The following SYNE2 variants were observed in gnomAD, a reference collection of about 807,000 sequenced individuals.
SYNE2 encodes nesprin-2.
A neutral mutation model predicts 856.3 loss-of-function variants in SYNE2; 431 were observed. The ratio of observed to expected loss-of-function variants is 0.50; its 90% CI spans 0.47 to 0.55. The LOEUF is 0.55. Among genes scored for constraint, SYNE2 ranks in the 20% least tolerant of loss-of-function variants. The pLI, the probability that SYNE2 is intolerant of heterozygous loss-of-function variation, is 0.00. For synonymous variants in SYNE2, 2,923 were observed against 2,872.3 expected (o/e 1.02, Z -0.56); for missense variants, 8,129 against 8,023.2 (o/e 1.01, Z -0.50).
intron 26 of SYNE2, among the ~76,000 whole-genome samples, 179 bp downstream of exon 26, chr14:63,998,507 T>C (rs531005836): frequency 1.1e-3 from 167 of 152,334 alleles, no homozygotes; most frequent in Non-Finnish European, 1.7e-3. Flanking sequence ...AATATTTCTT[T>C]GTGTTATTTT....
At chr14:63,818,941 G>A (rs563926171) in intron 1 of SYNE2, among the ~76,000 whole-genome samples, 18 of 151,584 alleles carry the variant, frequency 1.2e-4, no homozygotes, top group East Asian at 3.9e-4. Context: ...TTCGTGATCC[G>A]CCAGCCTCAG....
At chr14:63,823,743 G>C (rs11158512) in intron 1 of SYNE2, among the ~76,000 whole-genome samples, 95,900 of 151,254 alleles carry the variant, frequency 0.63, 30,823 homozygotes, top group South Asian at 0.77. Flanking sequence ...TCAAGCAATC[G>C]TCCCACCTCA....
At chr14:63,959,400 C>T (rs1455612248) in intron 8 of SYNE2, among the ~76,000 whole-genome samples, 1 of 144,912 alleles carries the variant, frequency 6.9e-6, no homozygotes, top group Non-Finnish European at 1.5e-5. Flanking sequence ...TGGGTTCAAG[C>T]AATTCTCCTG....
intron 11 of SYNE2, among the ~76,000 whole-genome samples, chr14:63,970,644 CTTTTTTCT>C (rs1202024678): frequency 2.3e-4 from 30 of 127,802 alleles, no homozygotes; most frequent in Middle Eastern, 4.2e-3. Context: ...TTTTTCTTTT[CTTTTTTCT>C]TTTTTTTTTT....
intron 44 of SYNE2, among the ~76,000 whole-genome samples, chr14:64,030,422 C>T (rs1357194962): frequency 3.9e-5 from 6 of 152,264 alleles, no homozygotes; most frequent in South Asian, 4.1e-4. Flanking sequence ...ATTAGGATAA[C>T]GACTGATAAA....
At chr14:64,032,436 T>A (rs560477200) in intron 45 of SYNE2, among the ~76,000 whole-genome samples, 2 of 152,214 alleles carry the variant, frequency 1.3e-5, no homozygotes, top group South Asian at 4.1e-4. Flanking sequence ...ACAGTGCACA[T>A]CTGTTATCCC....
At chr14:64,091,821 G>C (rs1319715123) in intron 60 of SYNE2, among the ~76,000 whole-genome samples, 1 of 152,264 alleles carries the variant, frequency 6.6e-6, no homozygotes, top group South Asian at 2.1e-4. Context: ...CCTCCTGCAT[G>C]CTGCCTTTCC....
At chr14:64,028,133 G>A (rs2096996280) in intron 43 of SYNE2, among the ~76,000 whole-genome samples, 1 of 151,954 alleles carries the variant, frequency 6.6e-6, no homozygotes, top group Non-Finnish European at 1.5e-5. Flanking sequence ...TTGAACTCCT[G>A]GGCTCAAGTG....
intron 7 of SYNE2, 72 bp downstream of exon 7, chr14:63,950,078 A>C: frequency 6.8e-7 from 1 of 1,474,748 alleles, no homozygotes; most frequent in Admixed American, 1.7e-5. Flanking sequence ...CACCACCCAA[A>C]CACCTCCCTC....
At chr14:63,938,801 G>A (rs1386168212) in intron 2 of SYNE2, among the ~76,000 whole-genome samples, 3 of 152,164 alleles carry the variant, frequency 2.0e-5, no homozygotes, top group African/African-American at 7.2e-5. Context: ...GGCACACCAC[G>A]GGTTTCATCA....
chr14:63,968,139 G>A (rs2096420938), intron 11 of SYNE2, among the ~76,000 whole-genome samples: 1 of 152,086 alleles, frequency 6.6e-6, no homozygotes, highest in Non-Finnish European at 1.5e-5. Flanking sequence ...CTCCAGCCTG[G>A]GTGACAGAAT....
chr14:64,196,482 T>C (rs887676095), intron 99 of SYNE2, among the ~76,000 whole-genome samples: 1 of 152,182 alleles, frequency 6.6e-6, no homozygotes, highest in Non-Finnish European at 1.5e-5. Context: ...ACAAAGCAGA[T>C]AAACTAAATG....
chr14:63,966,693 G>A (rs2096397719), intron 10 of SYNE2, among the ~76,000 whole-genome samples: 1 of 151,772 alleles, frequency 6.6e-6, no homozygotes, highest in South Asian at 2.1e-4. Flanking sequence ...TGAGTAGCTG[G>A]GACTACAGGT....
intron 1 of SYNE2, among the ~76,000 whole-genome samples, chr14:63,768,679 G>A (rs528954367): frequency 9.2e-5 from 14 of 152,258 alleles, no homozygotes; most frequent in South Asian, 2.1e-4. Context: ...TAGCCTGTCC[G>A]TATTGTAGGA....
intron 32 of SYNE2, among the ~76,000 whole-genome samples, chr14:64,015,075 GTA>G (rs1464076604): frequency 6.4e-5 from 9 of 141,030 alleles, no homozygotes; most frequent in South Asian, 2.2e-4. Context: ...GTGTATATAT[GTA>G]TATATATATA....
At chr14:63,880,496 AAAG>A (rs749015125) in intron 1 of SYNE2, among the ~76,000 whole-genome samples, 52 of 151,562 alleles carry the variant, frequency 3.4e-4, no homozygotes, top group South Asian at 1.5e-3. Flanking sequence ...GTTAAGAAAA[AAAG>A]AATTCTATGT....
Position 63,978,839 on chromosome 14 carries a change from C to T in SYNE2, c.1407-13C>T. On this transcript the variant is annotated splice_polypyrimidine_tract_variant and intron_variant, in intron 13 of 115. Transcript: ENST00000555002. ...ATATTAAGTTAAATTCCAAAACCTGCACTGTTTTCCAGAATCAACAACATT... is the reference window on the plus strand; with the variant it reads ...ATATTAAGTTAAATTCCAAAACCTGTACTGTTTTCCAGAATCAACAACATT... 1 of 1,607,748 alleles carries T rather than the reference C, an allele frequency of 6.2e-7. No individual in the cohort carries two copies. Among genetic ancestry groups the T allele is most frequent in the Non-Finnish European group, 8.5e-7 (1 of 1,175,426 alleles).
At position 64,222,387 on chromosome 14, in the gene SYNE2, GACTGAA is replaced by G. The variant is rs2098698626; in HGVS notation, c.20190+690_20190+695del. 2.6e-5 allele frequency among the ~76,000 whole-genome samples: 4 copies of G among 152,244 alleles called. No individual in the cohort carries two copies. The South Asian group carries it at 8.3e-4, about 32-fold the overall frequency. On this transcript the variant is annotated intron_variant, in intron 112 of 115. Transcript: ENST00000555002. ...AAAGCACCTGAAATGTGGCTATTAT[GACTGAA>G]ACTGAATTTTTAATTTTAGTTAATT...
In SYNE2 at chr14:64,214,130, A is replaced by G. The variant is rs1152591; in HGVS notation, c.19057-64A>G. 0.54 allele frequency: 865,180 copies of G among 1,612,370 alleles called. 238,180 individuals are homozygous for G. The highest frequency in any genetic ancestry group is 0.88 in the African/African-American group (65,655 of 74,834). On this transcript the variant is annotated intron_variant, in intron 105 of 115. Coordinates refer to ENST00000555002, the MANE Select transcript of SYNE2 (RefSeq NM_182914.3). ...AAACTGCTAGATAGGCAGACTTCTC[A>G]TGCTCTTCTAATTGCAGAAGCCTAT...
Sources: allele counts gnomAD v4.1 joint callset (sites outside exome capture counted in the v4.1 genomes callset), GRCh38; gene constraint gnomAD v4.1.1; transcripts MANE v1.5; gene names NCBI Gene and HGNC (gene_info 2026-07-23, HGNC 2026-07-21).